STAU2: variants seen among roughly 807,000 people sequenced by gnomAD.
STAU2 encodes staufen double-stranded RNA binding protein 2.
A neutral mutation model predicts 65.9 loss-of-function variants in STAU2; 20 were observed. That is an observed-to-expected ratio of 0.30 (90% CI 0.21 to 0.44). The LOEUF (loss-of-function observed/expected upper bound fraction) is 0.44, where lower values mean the gene tolerates loss of function less well. STAU2 is among the 20% of genes least tolerant of loss of function. The pLI, the probability that STAU2 is intolerant of heterozygous loss-of-function variation, is 1.00. For missense variants in STAU2, 558 were observed against 683.9 expected (o/e 0.82, Z 2.05); for synonymous variants, 232 against 233.9 (o/e 0.99, Z 0.07).
chr8:73,687,336 A>AC (rs1818957649), intron 5 of STAU2, among the ~76,000 whole-genome samples: 1 of 85,256 alleles, frequency 1.2e-5, no homozygotes, highest in Non-Finnish European at 2.2e-5. Flanking sequence ...TATAAATATA[A>AC]TTTATATTTA....
intron 13 of STAU2, among the ~76,000 whole-genome samples, chr8:73,518,303 C>A (rs528015158): frequency 3.3e-5 from 5 of 152,242 alleles, no homozygotes; most frequent in African/African-American, 1.2e-4. Flanking sequence ...TCTGAATAAC[C>A]ATGTTTAAGG....
chr8:73,679,692 A>G (rs1818263545), intron 5 of STAU2, among the ~76,000 whole-genome samples: 1 of 151,334 alleles, frequency 6.6e-6, no homozygotes, highest in South Asian at 2.1e-4. Context: ...AAGCCTGGCT[A>G]ATATGGTGAA....
intron 6 of STAU2, among the ~76,000 whole-genome samples, chr8:73,645,501 CTGAA>C (rs71269926): frequency 0.54 from 82,411 of 151,652 alleles, 24,800 homozygotes; most frequent in Non-Finnish European, 0.69. Context: ...TGGTGAAAGA[CTGAA>C]TGTTTTGTAC....
intron 13 of STAU2, among the ~76,000 whole-genome samples, chr8:73,487,462 TATGA>T (rs759233568): frequency 6.6e-6 from 1 of 152,112 alleles, no homozygotes; most frequent in Non-Finnish European, 1.5e-5. Context: ...TTGCAATGAT[TATGA>T]ATGAAGAATT....
At chr8:73,648,577 C>T (rs751621798) in intron 6 of STAU2, among the ~76,000 whole-genome samples, 1 of 152,198 alleles carries the variant, frequency 6.6e-6, no homozygotes, top group Non-Finnish European at 1.5e-5. Context: ...GAAGGTAACA[C>T]ACATTCCTAT....
At chr8:73,561,520 C>T (rs1025485916) in intron 12 of STAU2, 4 of 454,936 alleles carry the variant, frequency 8.8e-6, no homozygotes, top group Non-Finnish European at 1.8e-5. Context: ...CTCAGAAAAA[C>T]TCCATTAGTT....
intron 13 of STAU2, among the ~76,000 whole-genome samples, chr8:73,470,971 C>A (rs1423577076): frequency 6.6e-6 from 1 of 152,020 alleles, no homozygotes; most frequent in Non-Finnish European, 1.5e-5. Flanking sequence ...CCTTTTTCAT[C>A]ATCTGACATT....
chr8:73,745,464 T>G (rs992604776), intron 1 of STAU2, among the ~76,000 whole-genome samples: 8 of 152,340 alleles, frequency 5.3e-5, no homozygotes, highest in African/African-American at 1.7e-4. Flanking sequence ...AAGGTTACTA[T>G]CACCCTGCCT....
chr8:73,508,211 A>G (rs1336287260), intron 13 of STAU2, among the ~76,000 whole-genome samples: 1 of 152,196 alleles, frequency 6.6e-6, no homozygotes, highest in African/African-American at 2.4e-5. Flanking sequence ...TCAGCTTATG[A>G]CATGCCTTCC....
intron 12 of STAU2, among the ~76,000 whole-genome samples, chr8:73,575,792 T>C (rs777736815): frequency 7.7e-6 from 1 of 129,822 alleles, no homozygotes. Flanking sequence ...ATATAAATCA[T>C]ATATATAAAT....
At chr8:73,578,179 CCAAG>C (rs1320120900) in intron 12 of STAU2, among the ~76,000 whole-genome samples, 1 of 152,058 alleles carries the variant, frequency 6.6e-6, no homozygotes, top group Non-Finnish European at 1.5e-5. Context: ...TAAAAATGAG[CCAAG>C]CGAGTTTTTA....
At chr8:73,590,178 T>C (rs1033580482) in intron 11 of STAU2, among the ~76,000 whole-genome samples, 2 of 134,052 alleles carry the variant, frequency 1.5e-5, no homozygotes, top group African/African-American at 5.5e-5. Context: ...GAAGAAAAGG[T>C]GGAGGAAAAG....
intron 6 of STAU2, among the ~76,000 whole-genome samples, chr8:73,636,547 T>C (rs938153089): frequency 1.3e-5 from 2 of 152,000 alleles, no homozygotes; most frequent in African/African-American, 2.4e-5. Flanking sequence ...AAAACTACCC[T>C]GAAATGACCG....
intron 5 of STAU2, among the ~76,000 whole-genome samples, chr8:73,685,810 C>A (rs1248242745): frequency 6.6e-6 from 1 of 152,016 alleles, no homozygotes; most frequent in African/African-American, 2.4e-5. Context: ...GGGTATCTAC[C>A]CAGAGGAAAA....
At chr8:73,619,726 T>A (rs186829107) in intron 6 of STAU2, among the ~76,000 whole-genome samples, 203 of 152,284 alleles carry the variant, frequency 1.3e-3, no homozygotes, top group Non-Finnish European at 2.1e-3. Flanking sequence ...GATTAATGCC[T>A]GTGATCAAAG....
chr8:73,733,295 T>G (rs1035437132), intron 3 of STAU2, among the ~76,000 whole-genome samples: 1 of 152,180 alleles, frequency 6.6e-6, no homozygotes, highest in Non-Finnish European at 1.5e-5. Flanking sequence ...TATAGACTTT[T>G]CCAATTCCTT....
intron 13 of STAU2, among the ~76,000 whole-genome samples, chr8:73,509,488 C>G (rs1822263488): frequency 6.6e-6 from 1 of 152,008 alleles, no homozygotes; most frequent in African/African-American, 2.4e-5. Context: ...AGCAGAGGGT[C>G]AGAAAACATC....
intron 13 of STAU2, among the ~76,000 whole-genome samples, chr8:73,537,796 C>T (rs1156676632): frequency 6.6e-6 from 1 of 152,162 alleles, no homozygotes; most frequent in Non-Finnish European, 1.5e-5. Context: ...CAACAGGTTT[C>T]CTTTCTCTTT....
At chr8:73,734,259 C>T (rs1806273365) in intron 3 of STAU2, among the ~76,000 whole-genome samples, 1 of 131,876 alleles carries the variant, frequency 7.6e-6, no homozygotes, top group African/African-American at 2.8e-5. Context: ...GCTTATCACA[C>T]CTAATTTTCT....
Sources: gnomAD v4.1 joint callset for allele counts (sites outside exome capture counted in the v4.1 genomes callset) on GRCh38, gnomAD v4.1.1 for gene constraint, MANE v1.5 for transcripts, NCBI Gene and HGNC (gene_info 2026-07-23, HGNC 2026-07-21) for gene names.